PPFIA2: variants seen among roughly 807,000 people sequenced by gnomAD.
PPFIA2 encodes liprin-alpha-2.
PPFIA2 carries 46 observed loss-of-function variants against 175.5 expected under a neutral mutation model. The ratio of observed to expected loss-of-function variants is 0.26; its 90% CI spans 0.21 to 0.34. PPFIA2 has a LOEUF of 0.34. PPFIA2 is among the 10% of genes least tolerant of loss of function. The probability of loss-of-function intolerance (pLI) is 1.00; values close to 1 mark genes in which losing one functional copy is unlikely to be tolerated. For synonymous variants in PPFIA2, 568 were observed against 511.4 expected (o/e 1.11, Z -1.49); for missense variants, 1,179 against 1,506.1 (o/e 0.78, Z 3.60).
At chr12:81,697,654 T>A (rs1567905470) in intron 3 of PPFIA2, among the ~76,000 whole-genome samples, 1 of 152,110 alleles carries the variant, frequency 6.6e-6, no homozygotes, top group African/African-American at 2.4e-5. Context: ...TGAAAATCAA[T>A]CAGTAGAAAA....
At chr12:81,478,375 T>C (rs892356413) in intron 4 of PPFIA2, among the ~76,000 whole-genome samples, 1 of 152,150 alleles carries the variant, frequency 6.6e-6, no homozygotes, top group African/African-American at 2.4e-5. Context: ...TCTGGATTCA[T>C]TGATTTTTTT....
intron 31 of PPFIA2, 98 bp downstream of exon 31, chr12:81,263,133 C>T: frequency 8.0e-7 from 1 of 1,256,524 alleles, no homozygotes; most frequent in South Asian, 1.6e-5. Context: ...AGCAAACCAA[C>T]TCAAGAAAAT....
intron 4 of PPFIA2, among the ~76,000 whole-genome samples, chr12:81,506,648 T>C (rs767052420): frequency 6.6e-6 from 1 of 152,210 alleles, no homozygotes; most frequent in African/African-American, 2.4e-5. Context: ...TTGTGGAAAA[T>C]GTGACAGAAT....
rs78573690 is a variant in PPFIA2 at position 81,516,494 on chromosome 12, C to T, written c.304-58628G>A. Reference sequence around the variant, plus strand: ...AACCTATTTGGAAATAGGGTCTTTGCAGACGTTAAAAATAAGTGATTTGGT... The same window carrying T: ...AACCTATTTGGAAATAGGGTCTTTGTAGACGTTAAAAATAAGTGATTTGGT... On this transcript the variant is annotated intron_variant, in intron 4 of 32. Transcript: ENST00000549396. Among the ~76,000 whole-genome samples, 463 of 152,222 alleles carry T rather than the reference C, an allele frequency of 3.0e-3. 6 individuals carry two copies. The highest frequency in any genetic ancestry group is 0.029 in the East Asian group (151 of 5,178).
intron 3 of PPFIA2, among the ~76,000 whole-genome samples, chr12:81,681,400 C>A (rs1217893977): frequency 6.6e-6 from 1 of 151,898 alleles, no homozygotes; most frequent in South Asian, 2.1e-4. Context: ...CCCAGTAAAC[C>A]AAGGATGGCC....
intron 4 of PPFIA2, among the ~76,000 whole-genome samples, chr12:81,653,894 T>C (rs748252864): frequency 1.4e-4 from 21 of 152,032 alleles, no homozygotes; most frequent in Non-Finnish European, 2.2e-4. Flanking sequence ...TTCAGTGGCA[T>C]AGTTTGTATA....
chr12:81,316,736 G>A (rs888649178), intron 22 of PPFIA2, among the ~76,000 whole-genome samples: 8 of 151,578 alleles, frequency 5.3e-5, no homozygotes, highest in South Asian at 4.1e-4. Flanking sequence ...TTATTCTCTA[G>A]AGGAAAAAAA....
chr12:81,582,038 C>T (rs555164525), intron 4 of PPFIA2, among the ~76,000 whole-genome samples: 1 of 151,938 alleles, frequency 6.6e-6, no homozygotes, highest in South Asian at 2.1e-4. Context: ...ATATTTCCTG[C>T]TCCTTGCATT....
chr12:81,603,506 GA>G (rs200304475), intron 4 of PPFIA2, among the ~76,000 whole-genome samples: 5 of 146,842 alleles, frequency 3.4e-5, no homozygotes, highest in Admixed American at 6.8e-5. Context: ...TATATTGGAG[GA>G]AAAAAAAACA....
intron 22 of PPFIA2, among the ~76,000 whole-genome samples, chr12:81,315,442 C>CAGG (rs779997662): frequency 1.3e-5 from 2 of 151,356 alleles, no homozygotes; most frequent in African/African-American, 4.8e-5. Flanking sequence ...TAAGCTAAAC[C>CAGG]AGGAGAGAGG....
chr12:81,710,326 A>G (rs2077728247), intron 3 of PPFIA2, among the ~76,000 whole-genome samples: 1 of 152,002 alleles, frequency 6.6e-6, no homozygotes, highest in Non-Finnish European at 1.5e-5. Flanking sequence ...ACACATACAC[A>G]CACACAATGT....
intron 7 of PPFIA2, among the ~76,000 whole-genome samples, chr12:81,437,419 C>T (rs1457055826): frequency 6.6e-6 from 1 of 152,160 alleles, no homozygotes; most frequent in East Asian, 1.9e-4. Context: ...TTAATAGAGA[C>T]AGGGTTTCAC....
chr12:81,482,279 C>G (rs571402227), intron 4 of PPFIA2, among the ~76,000 whole-genome samples: 1 of 152,310 alleles, frequency 6.6e-6, no homozygotes, highest in South Asian at 2.1e-4. Context: ...AACGCTTTTA[C>G]ACTGTTGTTG....
At chr12:81,555,381 G>A (rs548130794) in intron 4 of PPFIA2, among the ~76,000 whole-genome samples, 2 of 151,978 alleles carry the variant, frequency 1.3e-5, no homozygotes, top group East Asian at 3.9e-4. Flanking sequence ...ATAATAATGT[G>A]TATAAAACGT....
At chr12:81,315,693 CA>C (rs1349970771) in intron 22 of PPFIA2, among the ~76,000 whole-genome samples, 1 of 151,578 alleles carries the variant, frequency 6.6e-6, no homozygotes, top group Non-Finnish European at 1.5e-5. Context: ...GTTGTAAAAT[CA>C]AAAGGTTAGT....
rs528469764 is a variant in PPFIA2 at position 81,621,743 on chromosome 12, A to G, written c.303+55048T>C. ...AAGAATCAGGTTGTCATCAGCTGAG[A>G]TGGAGAAAACTACAGAAGTATCAGG... On this transcript the variant is annotated intron_variant, in intron 4 of 32. Transcript: ENST00000549396. 2.2e-4 allele frequency among the ~76,000 whole-genome samples: 33 copies of G among 152,340 alleles called. No homozygotes were observed. In the South Asian group the frequency reaches 6.2e-3, roughly 29 times the overall value.
intron 24 of PPFIA2, among the ~76,000 whole-genome samples, chr12:81,292,065 C>T (rs1364550944): frequency 1.3e-5 from 2 of 151,898 alleles, no homozygotes; most frequent in Non-Finnish European, 2.9e-5. Context: ...TTAAAATTCC[C>T]TATTGTTCAT....
intron 4 of PPFIA2, among the ~76,000 whole-genome samples, chr12:81,472,120 ATCCTCTTAATATTTAATG>A (rs1365856670): frequency 6.6e-6 from 1 of 152,194 alleles, no homozygotes; most frequent in African/African-American, 2.4e-5. Flanking sequence ...TTGTTGTATG[ATCCTCTTAATATTTAATG>A]TCCAGAATAG....
chr12:81,296,573 ATTTG>A (rs1197137545), intron 23 of PPFIA2: 8 of 151,668 alleles, frequency 5.3e-5, no homozygotes, highest in Middle Eastern at 3.4e-3. Context: ...CAGCTTACAT[ATTTG>A]TTTTTGAATG....
Sources: allele counts gnomAD v4.1 joint callset (sites outside exome capture counted in the v4.1 genomes callset), GRCh38; gene constraint gnomAD v4.1.1; transcripts MANE v1.5; gene names NCBI Gene and HGNC (gene_info 2026-07-23, HGNC 2026-07-21).